The following CCDC38 variants were observed in gnomAD, a reference collection of about 807,000 sequenced individuals.
CCDC38 encodes the protein coiled-coil domain containing 38, also known as coiled-coil domain-containing protein 38.
Under a neutral mutation model 72.8 loss-of-function variants are expected in CCDC38, and 69 were observed. That is an observed-to-expected ratio of 0.95 (90% CI 0.78 to 1.16). The LOEUF is 1.16. Ranked by LOEUF, CCDC38 falls within the 50% of genes most tolerant of loss-of-function variation. CCDC38 has a pLI of 0.00. For missense variants in CCDC38, 626 were observed against 638.9 expected, an observed-to-expected ratio of 0.98 and a Z score of 0.22; for synonymous variants, 201 against 213.2, an observed-to-expected ratio of 0.94 and a Z score of 0.50.
intron 15 of CCDC38, 44 bp from the exon 16 acceptor site, chr12:95,867,233 A>G (rs911851404): frequency 2.0e-6 from 2 of 1,024,036 alleles, no homozygotes; most frequent in African/African-American, 3.2e-5. Flanking sequence ...TTTTGAGCAT[A>G]GCCATTTTCT....
At chr12:95,915,184 G>C (rs188182044) in intron 4 of CCDC38, among the ~76,000 whole-genome samples, 25 of 152,290 alleles carry the variant, frequency 1.6e-4, no homozygotes, top group Admixed American at 3.3e-4. Context: ...ACTCGTTATA[G>C]TGAGTTTCCC....
In CCDC38 at chr12:95,892,081, C is replaced by CTTTTT. The variant is rs67478657; in HGVS notation, c.773-1156_773-1152dup. Among the ~76,000 whole-genome samples, 39 of 97,974 alleles carry CTTTTT rather than the reference C, an allele frequency of 4.0e-4. 1 individual carries two copies. Among genetic ancestry groups the CTTTTT allele is most frequent in the East Asian group, 3.2e-3 (10 of 3,102 alleles). The allele number at this position is 97,974 out of a possible 152,430, so 64.3% of individuals were successfully genotyped here. A position where few individuals can be genotyped will look rare whatever the true frequency, so the allele number is the denominator to read the frequency against. On this transcript the variant is annotated intron_variant, in intron 8 of 15. Coordinates refer to ENST00000344280, the MANE Select transcript of CCDC38 (RefSeq NM_182496.3). ...TTCCCCTCTCCAAGGGATCACTCTG[C>CTTTTT]TTTTTTTTTTTTTTTTTTTTTGAGA...
At chr12:95,928,858 A>T (rs2080303224) in intron 2 of CCDC38, among the ~76,000 whole-genome samples, 1 of 152,220 alleles carries the variant, frequency 6.6e-6, no homozygotes, top group Non-Finnish European at 1.5e-5. Flanking sequence ...CTCGGGGGTC[A>T]GGGGTCAGGG....
intron 7 of CCDC38, among the ~76,000 whole-genome samples, chr12:95,897,832 G>A (rs1349356584): frequency 6.6e-6 from 1 of 152,088 alleles, no homozygotes; most frequent in Non-Finnish European, 1.5e-5. Flanking sequence ...CTGGGCTCAA[G>A]CGATCCTCCC....
At chr12:95,887,035 A>G (rs1158963919) in intron 10 of CCDC38, among the ~76,000 whole-genome samples, 2 of 152,152 alleles carry the variant, frequency 1.3e-5, no homozygotes, top group Non-Finnish European at 2.9e-5. Flanking sequence ...AATAACAAAA[A>G]TTAGCTGGGC....
intron 10 of CCDC38, among the ~76,000 whole-genome samples, chr12:95,883,274 A>G (rs2079721527): frequency 6.6e-6 from 1 of 152,130 alleles, no homozygotes; most frequent in East Asian, 1.9e-4. Flanking sequence ...TGCAAATAGG[A>G]TTGGGTCTCT....
rs1444488703 is a variant in CCDC38 at position 95,888,499 on chromosome 12, T to C, written c.879A>G (p.Pro293=). Residue 293 remains proline, a synonymous_variant, in exon 10 of 16, where the codon CCA becomes CCG. Coordinates refer to ENST00000344280, the MANE Select transcript of CCDC38 (RefSeq NM_182496.3). ...CTGGAGTGCGAGTCAGGCTTCTGCT[T>C]GGCTTTCCTGTTCAAAATGTCCAGG... ...ASQGRDSQGK[P]SRSLTRTPEK... The C allele has an allele frequency of 1.3e-5, 21 of 1,613,984 alleles. No individual in the cohort carries two copies. Among genetic ancestry groups the C allele is most frequent in the Non-Finnish European group, 1.8e-5 (21 of 1,180,010 alleles).
At chr12:95,887,947 T>C (rs1379764256) in intron 10 of CCDC38, among the ~76,000 whole-genome samples, 1 of 152,212 alleles carries the variant, frequency 6.6e-6, no homozygotes, top group African/African-American at 2.4e-5. Flanking sequence ...ACTGTGATGC[T>C]GGCCCAGATC....
At chr12:95,875,719 A>G (rs917838471) in intron 13 of CCDC38, among the ~76,000 whole-genome samples, 1 of 152,170 alleles carries the variant, frequency 6.6e-6, no homozygotes, top group Non-Finnish European at 1.5e-5. Flanking sequence ...ACATCTCTAG[A>G]AGACACTATG....
chr12:95,909,634 T>C (rs1328832392), intron 4 of CCDC38, among the ~76,000 whole-genome samples: 1 of 151,416 alleles, frequency 6.6e-6, no homozygotes, highest in Non-Finnish European at 1.5e-5. Flanking sequence ...TTGATGAACA[T>C]AGACATGAAA....
At chr12:95,878,667 C>A (rs749993658) in intron 12 of CCDC38, among the ~76,000 whole-genome samples, 6 of 152,116 alleles carry the variant, frequency 3.9e-5, no homozygotes, top group Non-Finnish European at 7.4e-5. Context: ...GGCTGATAAT[C>A]AGAATATGTG....
chr12:95,869,567 A>G lies in CCDC38; in HGVS notation c.1491T>C (p.Arg497=), dbSNP rs781054127. 6.2e-7 allele frequency: 1 copy of G among 1,612,168 alleles called. No individual in the cohort carries two copies. Among genetic ancestry groups the G allele is most frequent in the South Asian group, 1.1e-5 (1 of 90,924 alleles). Reference sequence around the variant, plus strand: ...TTTGTTTTTCTTTCATTTTCTCATCACGAAACCTGTCACAAGAAGGGAGAA... The same window carrying G: ...TTTGTTTTTCTTTCATTTTCTCATCGCGAAACCTGTCACAAGAAGGGAGAA... ...MKQKEWRQKF[R]DEKMKEKQRH... is the part of the protein sequence containing the mutation. Residue 497 remains arginine, a synonymous_variant, in exon 15 of 16, where the codon CGT becomes CGC. Coordinates refer to ENST00000344280, the MANE Select transcript of CCDC38 (RefSeq NM_182496.3).
intron 10 of CCDC38, among the ~76,000 whole-genome samples, chr12:95,887,792 G>A (rs999438117): frequency 3.3e-5 from 5 of 152,166 alleles, no homozygotes; most frequent in Non-Finnish European, 7.3e-5. Context: ...TCTTACAATT[G>A]TACGTGAATC....
At chr12:95,901,617 A>G (rs571290525) in intron 5 of CCDC38, among the ~76,000 whole-genome samples, 9 of 152,352 alleles carry the variant, frequency 5.9e-5, no homozygotes, top group African/African-American at 2.2e-4. Context: ...AAGCAGCAGC[A>G]GTTAGCAAGG....
At chr12:95,868,890 T>C (rs988143794) in intron 15 of CCDC38, among the ~76,000 whole-genome samples, 1 of 152,196 alleles carries the variant, frequency 6.6e-6, no homozygotes, top group African/African-American at 2.4e-5. Context: ...GGGCAAATCA[T>C]CTTAACTCCA....
At chr12:95,922,451 A>C (rs892506456) in intron 2 of CCDC38, among the ~76,000 whole-genome samples, 1 of 152,170 alleles carries the variant, frequency 6.6e-6, no homozygotes, top group Non-Finnish European at 1.5e-5. Flanking sequence ...GTAGTAACAA[A>C]AGGCTGAGGT....
chr12:95,920,175 A>G (rs2080189798), intron 2 of CCDC38, among the ~76,000 whole-genome samples: 1 of 152,184 alleles, frequency 6.6e-6, no homozygotes, highest in South Asian at 2.1e-4. Context: ...GAGGGACTCA[A>G]TGGAAAGTAA....
chr12:95,923,598 T>A (rs1321803125), intron 2 of CCDC38, among the ~76,000 whole-genome samples: 1 of 152,074 alleles, frequency 6.6e-6, no homozygotes, highest in African/African-American at 2.4e-5. Flanking sequence ...ATGTGCAGGT[T>A]AGTTACATAT....
intron 5 of CCDC38, among the ~76,000 whole-genome samples, chr12:95,903,030 G>A (rs2079965863): frequency 1.3e-5 from 2 of 152,086 alleles, no homozygotes; most frequent in African/African-American, 4.8e-5. Context: ...TTGGATCAAT[G>A]AACATGGTAT....
Sources: allele counts gnomAD v4.1 joint callset (sites outside exome capture counted in the v4.1 genomes callset), GRCh38; gene constraint gnomAD v4.1.1; transcripts MANE v1.5; gene names NCBI Gene and HGNC (gene_info 2026-07-23, HGNC 2026-07-21).